Variants in GNAQ observed in about 807,000 individuals in gnomAD.
GNAQ encodes G protein subunit alpha q.
In GNAQ, 8 loss-of-function variants were observed where a neutral mutation model predicts 43.9. The observed-to-expected ratio is 0.18, with a 90% CI of 0.11 to 0.33. The LOEUF (loss-of-function observed/expected upper bound fraction) is 0.33. Ranked by LOEUF, GNAQ falls within the 10% of genes least tolerant of loss-of-function variation. GNAQ has a pLI of 1.00. For synonymous variants in GNAQ, 155 were observed against 170.7 expected (o/e 0.91, Z 0.71); for missense variants, 158 against 450.8 (o/e 0.35, Z 5.88).
At chr9:77,882,935 T>C (rs1057091040) in intron 2 of GNAQ, among the ~76,000 whole-genome samples, 4 of 152,226 alleles carry the variant, frequency 2.6e-5, no homozygotes, top group African/African-American at 9.6e-5. Context: ...AATAAGTCTA[T>C]TGTTGTTACC....
intron 2 of GNAQ, among the ~76,000 whole-genome samples, chr9:77,874,062 AC>A (rs1462696749): frequency 4.0e-5 from 6 of 150,418 alleles, no homozygotes; most frequent in African/African-American, 1.5e-4. Flanking sequence ...CTGAGATCGC[AC>A]CATTGCACTC....
At chr9:77,850,145 C>T (rs1827650896) in intron 2 of GNAQ, among the ~76,000 whole-genome samples, 2 of 152,362 alleles carry the variant, frequency 1.3e-5, no homozygotes, top group Admixed American at 6.5e-5. Flanking sequence ...TCAATCGCAG[C>T]ATGTCCCAAC....
intron 2 of GNAQ, among the ~76,000 whole-genome samples, chr9:77,819,812 T>C (rs1827083724): frequency 6.7e-6 from 1 of 149,718 alleles, no homozygotes. Flanking sequence ...GCCTTTTTGG[T>C]TTTGTTTTCT....
At chr9:77,945,142 G>A (rs1170315230) in intron 1 of GNAQ, among the ~76,000 whole-genome samples, 1 of 152,166 alleles carries the variant, frequency 6.6e-6, no homozygotes, top group African/African-American at 2.4e-5. Flanking sequence ...ACATCGCAAA[G>A]CCAAATACAA....
At chr9:77,798,173 T>C (rs1194745411) in intron 3 of GNAQ, among the ~76,000 whole-genome samples, 1 of 152,210 alleles carries the variant, frequency 6.6e-6, no homozygotes, top group Admixed American at 6.5e-5. Flanking sequence ...AAGTCATTCA[T>C]GATTAATGTG....
chr9:77,973,679 T>C (rs961090074), intron 1 of GNAQ, among the ~76,000 whole-genome samples: 6 of 152,254 alleles, frequency 3.9e-5, no homozygotes, highest in African/African-American at 1.4e-4. Context: ...TAGCTGGGCA[T>C]GGTGGCGTGT....
chr9:77,801,785 C>T (rs143724524), intron 3 of GNAQ, among the ~76,000 whole-genome samples: 130 of 152,214 alleles, frequency 8.5e-4, no homozygotes, highest in African/African-American at 2.8e-3. Flanking sequence ...AAAAGACATA[C>T]AAACTATTTG....
intron 1 of GNAQ, among the ~76,000 whole-genome samples, chr9:77,937,473 A>T (rs1281941259): frequency 1.3e-5 from 2 of 152,332 alleles, no homozygotes; most frequent in South Asian, 4.1e-4. Flanking sequence ...TGTAGAGTTC[A>T]ATGATTTTTA....
intron 1 of GNAQ, among the ~76,000 whole-genome samples, chr9:77,957,495 C>T (rs1048707536): frequency 2.0e-5 from 3 of 152,128 alleles, no homozygotes; most frequent in African/African-American, 2.4e-5. Context: ...CACAGGAAGG[C>T]GCAGAATCAC....
intron 1 of GNAQ, among the ~76,000 whole-genome samples, chr9:77,941,595 A>C (rs1300966621): frequency 6.6e-6 from 1 of 152,092 alleles, no homozygotes. Flanking sequence ...TGCTCTAGTG[A>C]TTCCACTTTT....
chr9:77,999,083 ACT>A (rs1564174617), intron 1 of GNAQ, among the ~76,000 whole-genome samples: 2 of 126,606 alleles, frequency 1.6e-5, no homozygotes, highest in Non-Finnish European at 3.2e-5. Context: ...CAAGAGTGAA[ACT>A]CTGTCTCAAA....
intron 5 of GNAQ, among the ~76,000 whole-genome samples, chr9:77,753,197 A>G (rs1323719046): frequency 6.6e-6 from 1 of 152,140 alleles, no homozygotes; most frequent in Non-Finnish European, 1.5e-5. Flanking sequence ...CACATGGCTC[A>G]GACACATACC....
At chr9:77,951,388 T>G (rs970821374) in intron 1 of GNAQ, among the ~76,000 whole-genome samples, 3 of 152,126 alleles carry the variant, frequency 2.0e-5, no homozygotes, top group African/African-American at 7.2e-5. Context: ...GTGAGCCACT[T>G]CATCCAGCCC....
At chr9:77,836,706 AT>A (rs1327428644) in intron 2 of GNAQ, among the ~76,000 whole-genome samples, 1 of 152,246 alleles carries the variant, frequency 6.6e-6, no homozygotes, top group Non-Finnish European at 1.5e-5. Flanking sequence ...TAAATCCTGT[AT>A]CTGCTGAATC....
chr9:78,031,738 C>A lies in GNAQ; in HGVS notation c.-503G>T, dbSNP rs1296342380. Among the ~76,000 whole-genome samples the A allele has an allele frequency of 6.8e-6, 1 of 147,914 alleles. No individual in the cohort carries two copies. Among genetic ancestry groups the A allele is most frequent in the Non-Finnish European group, 1.5e-5 (1 of 66,454 alleles). ...TCCTCGCCGCCGCCTGACACGGCTC[C>A]CGGGCGCCCTCGGCCCTGTCCGCGC... On this transcript the variant is annotated 5_prime_UTR_variant, in exon 1 of 7. Transcript: ENST00000286548.
intron 5 of GNAQ, among the ~76,000 whole-genome samples, chr9:77,767,929 C>T (rs1451884376): frequency 6.6e-6 from 1 of 152,092 alleles, no homozygotes; most frequent in East Asian, 1.9e-4. Flanking sequence ...TTAGTGTTCA[C>T]GGTCTGAGCC....
chr9:77,810,349 ACTC>A (rs1826901195), intron 3 of GNAQ, among the ~76,000 whole-genome samples: 1 of 151,170 alleles, frequency 6.6e-6, no homozygotes, highest in East Asian at 1.9e-4. Context: ...TTTGAATTCA[ACTC>A]CTCCTCCATT....
At chr9:77,860,860 A>C (rs887352114) in intron 2 of GNAQ, among the ~76,000 whole-genome samples, 1 of 152,138 alleles carries the variant, frequency 6.6e-6, no homozygotes, top group African/African-American at 2.4e-5. Flanking sequence ...AACTCTCCTT[A>C]TCTCTCACTC....
chr9:77,773,823 C>G (rs1826265106), intron 5 of GNAQ, among the ~76,000 whole-genome samples: 1 of 152,190 alleles, frequency 6.6e-6, no homozygotes, highest in South Asian at 2.1e-4. Context: ...TATACTGCCC[C>G]TGGATCTTAA....
Sources: allele counts gnomAD v4.1 joint callset (sites outside exome capture counted in the v4.1 genomes callset), GRCh38; gene constraint gnomAD v4.1.1; transcripts MANE v1.5; gene names NCBI Gene and HGNC (gene_info 2026-07-23, HGNC 2026-07-21).